ZNF521: variants seen among roughly 807,000 people sequenced by gnomAD.
The protein encoded by ZNF521 is zinc finger protein 521, also known as LYST-interacting protein 3.
A neutral mutation model predicts 105.5 loss-of-function variants in ZNF521; 14 were observed. The ratio of observed to expected loss-of-function variants is 0.13; its 90% confidence interval spans 0.09 to 0.21. The LOEUF (loss-of-function observed/expected upper bound fraction) is 0.21. ZNF521 is among the 10% of genes least tolerant of loss of function. The pLI, the probability that ZNF521 is intolerant of heterozygous loss-of-function variation, is 1.00. For synonymous variants in ZNF521, 635 were observed against 606.0 expected (o/e 1.05, Z -0.70); for missense variants, 1,233 against 1,629.7 (o/e 0.76, Z 4.19).
intron 4 of ZNF521, chr18:25,200,835 C>T (rs906363174): frequency 3.9e-5 from 6 of 152,052 alleles, no homozygotes; most frequent in African/African-American, 1.4e-4. Flanking sequence ...TTTTGTTTTA[C>T]TTCTGCTTGG....
chr18:25,177,726 G>C (rs1336420122), intron 5 of ZNF521, among the ~76,000 whole-genome samples: 1 of 152,190 alleles, frequency 6.6e-6, no homozygotes, highest in East Asian at 1.9e-4. Flanking sequence ...ACTAAAATCA[G>C]TTTGCAGCTC....
intron 5 of ZNF521, among the ~76,000 whole-genome samples, chr18:25,103,684 T>C (rs879617673): frequency 6.6e-6 from 1 of 152,068 alleles, no homozygotes; most frequent in Non-Finnish European, 1.5e-5. Flanking sequence ...TCTAGTTCCT[T>C]CTGCTGTTTT....
At chr18:25,194,388 G>A (rs2035868899) in intron 5 of ZNF521, among the ~76,000 whole-genome samples, 1 of 151,398 alleles carries the variant, frequency 6.6e-6, no homozygotes, top group Admixed American at 6.6e-5. Flanking sequence ...TTAACTGGCT[G>A]GTAAAACGTT....
intron 5 of ZNF521, among the ~76,000 whole-genome samples, chr18:25,127,098 G>A (rs1333496276): frequency 1.3e-5 from 2 of 152,046 alleles, no homozygotes; most frequent in African/African-American, 4.8e-5. Context: ...TGATTGGGCT[G>A]GGGGATGCAA....
rs796774905 is a variant in ZNF521 at position 25,331,896 on chromosome 18, T to TC, written c.41-9710_41-9709insG. On this transcript the variant is annotated intron_variant, in intron 2 of 7. Coordinates refer to ENST00000361524, the MANE Select transcript of ZNF521 (RefSeq NM_015461.3). ...GTGACTTTGGACTTGCTTTTTTCTT[T>TC]TTTTTTTTTTTTAAATTTAGGAAAT... Among the ~76,000 whole-genome samples, 13 of 150,034 alleles carry TC rather than the reference T, an allele frequency of 8.7e-5. 2 individuals carry two copies. The highest frequency in any genetic ancestry group is 2.9e-4 in the African/African-American group (12 of 41,096).
At chr18:25,155,011 A>AGACAAGG (rs1482909030) in intron 5 of ZNF521, among the ~76,000 whole-genome samples, 1 of 152,156 alleles carries the variant, frequency 6.6e-6, no homozygotes, top group Non-Finnish European at 1.5e-5. Context: ...TCTCACCAAC[A>AGACAAGG]GACAAGGGTT....
At chr18:25,224,267 G>T in intron 4 of ZNF521, 78 bp downstream of exon 4, 2 of 1,298,720 alleles carry the variant, frequency 1.5e-6, no homozygotes, top group Non-Finnish European at 2.2e-6. Context: ...AATAAATAAA[G>T]CTGTGGAGAG....
At chr18:25,078,099 C>T (rs1354855428) in intron 7 of ZNF521, among the ~76,000 whole-genome samples, 2 of 152,256 alleles carry the variant, frequency 1.3e-5, no homozygotes, top group South Asian at 2.1e-4. Flanking sequence ...TCCACAGGGC[C>T]CCCGCTGATG....
rs368582297 is a variant in ZNF521 at position 25,121,249 on chromosome 18, C to T, written c.3659-29168G>A. Among the ~76,000 whole-genome samples the T allele has an allele frequency of 6.1e-5, 9 of 148,492 alleles. No individual in the cohort carries two copies. In the East Asian group the frequency reaches 9.9e-4, roughly 16 times the overall value. Reference sequence around the variant, plus strand: ...GCCTCAGCCTCCCGAGTAGCCACCGCGCCCAGCCTTCTTCTTCTTCTTCCT... The same window carrying T: ...GCCTCAGCCTCCCGAGTAGCCACCGTGCCCAGCCTTCTTCTTCTTCTTCCT... On this transcript the variant is annotated intron_variant, in intron 5 of 7. Coordinates refer to ENST00000361524, the MANE Select transcript of ZNF521 (RefSeq NM_015461.3).
In ZNF521 at chr18:25,226,636, T is replaced by C. The variant is rs1195086807; in HGVS notation, c.1282A>G (p.Met428Val). The stretch of plus-strand genomic sequence containing the variant: ...GCCTGTTCTGGCTTATCTAAGTGCA[T>C]AGTTTTCAGGTGAATCTGCAGAACT... Reference protein sequence around the residue: ...LAVLQIHLKTMHLDKPEQAHI... With the variant: ...LAVLQIHLKTVHLDKPEQAHI... Residue 428 changes from methionine (M) to valine (V), a missense_variant, in exon 4 of 8, where the codon ATG becomes GTG. Transcript: ENST00000361524. The surrounding 1 kb of genome is among the most constrained non-coding windows in gnomAD (Gnocchi z 4.1). 9 of 1,614,206 alleles carry C rather than the reference T, an allele frequency of 5.6e-6. No individual in the cohort carries two copies. Among genetic ancestry groups the C allele is most frequent in the South Asian group, 1.1e-5 (1 of 91,082 alleles).
At chr18:25,195,360 A>G in intron 4 of ZNF521, 116 bp from the exon 5 acceptor site, 2 of 788,768 alleles carry the variant, frequency 2.5e-6, no homozygotes, top group Non-Finnish European at 3.9e-6. Context: ...GGAACAAACT[A>G]AACTACAGGG....
intron 5 of ZNF521, among the ~76,000 whole-genome samples, chr18:25,186,988 C>T (rs1318411783): frequency 3.3e-5 from 5 of 151,152 alleles, no homozygotes; most frequent in South Asian, 2.1e-4. Flanking sequence ...TACTTCTGTA[C>T]GTTCCATGTG....
At chr18:25,167,977 C>A (rs1250925733) in intron 5 of ZNF521, among the ~76,000 whole-genome samples, 1 of 152,162 alleles carries the variant, frequency 6.6e-6, no homozygotes, top group Non-Finnish European at 1.5e-5. Flanking sequence ...AGGGTATGCA[C>A]AAGGTGAAAG....
At position 25,091,939 on chromosome 18, in the gene ZNF521, A is replaced by G; in HGVS notation, c.3790+11T>C. The G allele has an allele frequency of 6.2e-7, 1 of 1,613,014 alleles. No individual in the cohort carries two copies. Among genetic ancestry groups the G allele is most frequent in the Non-Finnish European group, 8.5e-7 (1 of 1,179,474 alleles). ...AGCCTCTCCTGTGTCTTCCTGAAAT[A>G]ATCTTCCCACCTGTAAAGCAGACTG... On this transcript the variant is annotated intron_variant, in intron 6 of 7. Coordinates refer to ENST00000361524, the MANE Select transcript of ZNF521 (RefSeq NM_015461.3).
intron 3 of ZNF521, among the ~76,000 whole-genome samples, chr18:25,243,121 T>A (rs1390787114): frequency 1.3e-5 from 2 of 152,214 alleles, no homozygotes; most frequent in East Asian, 3.8e-4. Flanking sequence ...ATGCTTCATC[T>A]GATTAGATAA....
chr18:25,232,740 TCTC>T (rs1289987518), intron 3 of ZNF521, among the ~76,000 whole-genome samples: 1 of 152,190 alleles, frequency 6.6e-6, no homozygotes, highest in Non-Finnish European at 1.5e-5. Flanking sequence ...ATACCTCTCT[TCTC>T]CTTAAAACAC....
chr18:25,119,024 T>G (rs192849285), intron 5 of ZNF521, among the ~76,000 whole-genome samples: 105 of 152,182 alleles, frequency 6.9e-4, no homozygotes, highest in African/African-American at 2.5e-3. Flanking sequence ...AAAAGAGATA[T>G]TTCATAATGC....
intron 2 of ZNF521, among the ~76,000 whole-genome samples, chr18:25,330,601 A>G (rs1353138858): frequency 6.6e-6 from 1 of 152,224 alleles, no homozygotes; most frequent in East Asian, 1.9e-4. Flanking sequence ...AAGAATAAGT[A>G]TAAAATTAAA....
At chr18:25,129,253 A>C (rs1053760806) in intron 5 of ZNF521, among the ~76,000 whole-genome samples, 1 of 73,060 alleles carries the variant, frequency 1.4e-5, no homozygotes, top group Non-Finnish European at 3.8e-5. Context: ...ACGGAATAAT[A>C]ATAATAATAA....
Sources: gnomAD v4.1 joint callset for allele counts (sites outside exome capture counted in the v4.1 genomes callset) on GRCh38, gnomAD v4.1.1 for gene constraint, Gnocchi (gnomAD v3.1) non-coding constraint, MANE v1.5 for transcripts, NCBI Gene and HGNC (gene_info 2026-07-23, HGNC 2026-07-21) for gene names.